Variants in GALNT13 observed in about 807,000 individuals in gnomAD.
GALNT13 encodes the protein polypeptide N-acetylgalactosaminyltransferase 13.
GALNT13 carries 28 observed loss-of-function variants against 64.2 expected under a neutral mutation model. The ratio of observed to expected loss-of-function variants is 0.44; its 90% confidence interval spans 0.32 to 0.60. The LOEUF is 0.60. GALNT13 is among the 20% of genes least tolerant of loss of function. The pLI, the probability that GALNT13 is intolerant of heterozygous loss-of-function variation, is 0.05. For missense variants in GALNT13, 577 were observed against 669.8 expected (o/e 0.86, Z 1.53); for synonymous variants, 214 against 224.6 (o/e 0.95, Z 0.42).
chr2:154,269,925 T>TATATATATATATATATATATATA (rs1421612508), intron 8 of GALNT13, among the ~76,000 whole-genome samples: 61 of 139,110 alleles, frequency 4.4e-4, no homozygotes, highest in South Asian at 6.8e-4. Flanking sequence ...TATATATATA[T>TATATATATATATATATATATATA]TTCTAAAGCA....
the GALNT13 span, among the ~76,000 whole-genome samples, chr2:153,856,150 G>A: frequency 1.3e-5 from 2 of 152,116 alleles, no homozygotes; most frequent in African/African-American, 2.4e-5. Flanking sequence ...TAGTTGTGGT[G>A]ATGGTTACAC....
the GALNT13 span, among the ~76,000 whole-genome samples, chr2:153,588,535 C>G: frequency 6.6e-6 from 1 of 152,334 alleles, no homozygotes; most frequent in Non-Finnish European, 1.5e-5. Flanking sequence ...TACTTTGCCC[C>G]TTTAAGCCAC....
chr2:153,832,517 A>G, the GALNT13 span, among the ~76,000 whole-genome samples: 1 of 152,174 alleles, frequency 6.6e-6, no homozygotes, highest in Non-Finnish European at 1.5e-5. Flanking sequence ...GACTAATAAA[A>G]TAAAAGTTAG....
chr2:153,295,986 A>C, the GALNT13 span, among the ~76,000 whole-genome samples: 5 of 152,188 alleles, frequency 3.3e-5, no homozygotes, highest in Admixed American at 3.3e-4. Context: ...GCAAGGGTCA[A>C]GGGCTACACA....
chr2:153,602,236 C>G, the GALNT13 span, among the ~76,000 whole-genome samples: 1 of 151,744 alleles, frequency 6.6e-6, no homozygotes, highest in Non-Finnish European at 1.5e-5. Flanking sequence ...TACTTATTAT[C>G]CATCTACTAT....
At chr2:153,648,956 G>A in the GALNT13 span, among the ~76,000 whole-genome samples, 32 of 152,224 alleles carry the variant, frequency 2.1e-4, no homozygotes, top group African/African-American at 7.7e-4. Flanking sequence ...CCAGGCTTTG[G>A]TATCAGGATG....
At chr2:153,769,678 T>C in the GALNT13 span, among the ~76,000 whole-genome samples, 11 of 152,208 alleles carry the variant, frequency 7.2e-5, no homozygotes, top group African/African-American at 2.7e-4. Context: ...ATATCTTCCA[T>C]ACTTTTTTAC....
intron 3 of GALNT13, among the ~76,000 whole-genome samples, chr2:153,990,919 C>G (rs1190266828): frequency 6.6e-6 from 1 of 152,152 alleles, no homozygotes; most frequent in Non-Finnish European, 1.5e-5. Context: ...CTTAAGTACT[C>G]TCTAGGAAGA....
At chr2:153,182,805 T>C in the GALNT13 span, among the ~76,000 whole-genome samples, 1 of 152,258 alleles carries the variant, frequency 6.6e-6, no homozygotes, top group Non-Finnish European at 1.5e-5. Context: ...TTCATGTTTA[T>C]GGCTGCATAT....
chr2:154,011,891 T>A (rs1442851817), intron 3 of GALNT13, among the ~76,000 whole-genome samples: 1 of 152,216 alleles, frequency 6.6e-6, no homozygotes, highest in Non-Finnish European at 1.5e-5. Context: ...ACTTCTGATA[T>A]TTTTAATTTT....
At chr2:153,792,918 A>G in the GALNT13 span, among the ~76,000 whole-genome samples, 6 of 151,506 alleles carry the variant, frequency 4.0e-5, no homozygotes, top group East Asian at 1.2e-3. Flanking sequence ...AGGTCTCTCC[A>G]TTTATTTAAT....
the GALNT13 span, among the ~76,000 whole-genome samples, chr2:153,235,567 G>T: frequency 6.6e-6 from 1 of 152,060 alleles, no homozygotes; most frequent in Non-Finnish European, 1.5e-5. Flanking sequence ...CCACCCAGGG[G>T]CATCTTTTTT....
At chr2:153,915,026 A>C (rs553296509) in intron 2 of GALNT13, among the ~76,000 whole-genome samples, 1 of 152,112 alleles carries the variant, frequency 6.6e-6, no homozygotes, top group African/African-American at 2.4e-5. Context: ...CATGGGGCCC[A>C]AGCTCCTCCT....
At chr2:154,013,646 C>G (rs1488095618) in intron 3 of GALNT13, among the ~76,000 whole-genome samples, 1 of 152,104 alleles carries the variant, frequency 6.6e-6, no homozygotes, top group African/African-American at 2.4e-5. Context: ...GTTCTGGAAT[C>G]TGTGCACGCA....
At chr2:154,225,156 TA>T (rs1367797159) in intron 4 of GALNT13, among the ~76,000 whole-genome samples, 1,679 of 100,676 alleles carry the variant, frequency 0.017, 13 homozygotes, top group Middle Eastern at 0.024. Context: ...GACAGATAGA[TA>T]GATGATAGAT....
chr2:154,354,814 T>A (rs1696637402), intron 9 of GALNT13, among the ~76,000 whole-genome samples: 1 of 152,092 alleles, frequency 6.6e-6, no homozygotes, highest in Non-Finnish European at 1.5e-5. Flanking sequence ...CTTCGTGATT[T>A]TAAATTATAA....
the GALNT13 span, among the ~76,000 whole-genome samples, chr2:153,434,135 C>A: frequency 6.6e-6 from 1 of 152,120 alleles, no homozygotes. Flanking sequence ...CAGCTTCATC[C>A]ATGTCCCTAC....
chr2:153,440,578 G>C, the GALNT13 span, among the ~76,000 whole-genome samples: 5,147 of 152,268 alleles, frequency 0.034, 303 homozygotes, highest in African/African-American at 0.12. Context: ...CAGTGTAGAA[G>C]TGTTCCTATT....
the GALNT13 span, among the ~76,000 whole-genome samples, chr2:153,611,781 T>C: frequency 6.7e-6 from 1 of 149,002 alleles, no homozygotes; most frequent in Non-Finnish European, 1.5e-5. Flanking sequence ...GGTGGTTTAC[T>C]GCACCTATCA....
Sources: allele counts gnomAD v4.1 joint callset (sites outside exome capture counted in the v4.1 genomes callset), GRCh38; gene constraint gnomAD v4.1.1; transcripts MANE v1.5; gene names NCBI Gene and HGNC (gene_info 2026-07-23, HGNC 2026-07-21).